Variants in CLDN14 observed in about 807,000 individuals in gnomAD.
CLDN14 encodes the protein claudin-14.
In CLDN14, 2 loss-of-function variants were observed where a neutral mutation model predicts 2.1. The observed-to-expected ratio is 0.96, with a 90% confidence interval of 0.39 to 3.01. The LOEUF is 3.01. CLDN14 is among the 30% of genes most tolerant of loss of function. CLDN14 has a pLI of 0.09. For missense variants in CLDN14, 298 were observed against 328.0 expected, an observed-to-expected ratio of 0.91 and a Z score of 0.71; for synonymous variants, 136 against 154.4, an observed-to-expected ratio of 0.88 and a Z score of 0.88.
rs980750427 is a variant in CLDN14 at position 36,462,725 on chromosome 21, T to C, written c.-81-949A>G. On this transcript the variant is annotated intron_variant, in intron 1 of 1. Coordinates refer to ENST00000399135, the MANE Select transcript of CLDN14 (RefSeq NM_001146079.2). ...CAGGTGGATCACCTGAGTTCAGGAG[T>C]TCAAGACCAGCCTGGCCAACATGGT... is the stretch of plus-strand genomic sequence containing the variant. Among the ~76,000 whole-genome samples the C allele has an allele frequency of 4.7e-5, 7 of 147,944 alleles. No homozygotes were observed. In the South Asian group the frequency reaches 1.1e-3, roughly 23 times the overall value.
At chr21:36,522,762 T>A (rs189532853) in intron 1 of CLDN14, among the ~76,000 whole-genome samples, 1 of 152,234 alleles carries the variant, frequency 6.6e-6, no homozygotes, top group Admixed American at 6.5e-5. Context: ...GAAGGTAAGT[T>A]TGAGAGGAGT....
chr21:36,559,488 A>T (rs1195363539), intron 1 of CLDN14, among the ~76,000 whole-genome samples: 1 of 152,158 alleles, frequency 6.6e-6, no homozygotes, highest in Non-Finnish European at 1.5e-5. Flanking sequence ...TGAGCCACCC[A>T]GGCTGGCTGA....
intron 2 of CLDN14, among the ~76,000 whole-genome samples, chr21:36,485,701 A>G (rs1056601910): frequency 3.3e-5 from 5 of 152,218 alleles, no homozygotes; most frequent in Non-Finnish European, 7.3e-5. Flanking sequence ...ACACCCTGTC[A>G]TCCTCAGACA....
chr21:36,536,999 T>A (rs926785462), intron 1 of CLDN14, among the ~76,000 whole-genome samples: 5 of 152,216 alleles, frequency 3.3e-5, no homozygotes, highest in African/African-American at 1.2e-4. Flanking sequence ...AAGACCACCC[T>A]GACCAACATG....
chr21:36,482,419 T>C (rs865857106), upstream of CLDN14, among the ~76,000 whole-genome samples: 5 of 147,400 alleles, frequency 3.4e-5, no homozygotes, highest in Admixed American at 2.7e-4. Flanking sequence ...GACGGATGGA[T>C]GGATGGATGG....
chr21:36,480,484 G>C (rs777155075), upstream of CLDN14: 1 of 152,218 alleles, frequency 6.6e-6, no homozygotes, highest in East Asian at 1.9e-4. Context: ...GAGGGAACTG[G>C]TCAGGGCTGG....
chr21:36,510,159 C>T (rs2087172586), intron 2 of CLDN14, among the ~76,000 whole-genome samples: 1 of 152,188 alleles, frequency 6.6e-6, no homozygotes, highest in Non-Finnish European at 1.5e-5. Context: ...CTGAGCTGAT[C>T]CAAGACATTC....
At chr21:36,508,076 G>T (rs1253972221) in intron 2 of CLDN14, among the ~76,000 whole-genome samples, 2 of 152,202 alleles carry the variant, frequency 1.3e-5, no homozygotes, top group Non-Finnish European at 2.9e-5. Context: ...TGTCTTTGGA[G>T]TCCTTAGCAC....
At chr21:36,541,063 A>G (rs567378735) in intron 1 of CLDN14, among the ~76,000 whole-genome samples, 1 of 152,180 alleles carries the variant, frequency 6.6e-6, no homozygotes, top group Non-Finnish European at 1.5e-5. Flanking sequence ...TTGAGAAAAG[A>G]GGAGAAACCA....
intron 1 of CLDN14, among the ~76,000 whole-genome samples, chr21:36,541,094 G>T (rs2087484904): frequency 6.6e-6 from 1 of 152,148 alleles, no homozygotes; most frequent in Non-Finnish European, 1.5e-5. Flanking sequence ...CCAGGTTTCT[G>T]GTTTAAGCCA....
At chr21:36,490,654 G>A (rs1022880683) in intron 2 of CLDN14, among the ~76,000 whole-genome samples, 32 of 151,958 alleles carry the variant, frequency 2.1e-4, no homozygotes, top group African/African-American at 7.2e-4. Flanking sequence ...CTCCCAAAGT[G>A]CTGGGATTAC....
At chr21:36,466,857 T>C (rs1459867270) in intron 1 of CLDN14, among the ~76,000 whole-genome samples, 10 of 152,164 alleles carry the variant, frequency 6.6e-5, no homozygotes, top group East Asian at 1.9e-4. Context: ...ACTTCCTAGA[T>C]AGAATGGGGG....
chr21:36,531,314 T>C (rs986858717), intron 1 of CLDN14, among the ~76,000 whole-genome samples: 8 of 151,252 alleles, frequency 5.3e-5, no homozygotes, highest in Admixed American at 3.9e-4. Context: ...TGAGACAGTC[T>C]CACTCTGTCA....
chr21:36,561,347 C>T (rs539237225), intron 1 of CLDN14, among the ~76,000 whole-genome samples: 1 of 152,332 alleles, frequency 6.6e-6, no homozygotes, highest in East Asian at 1.9e-4. Context: ...CTGATGGAAC[C>T]AAGGGAAATT....
At chr21:36,488,254 C>CTTCCTTCCTTCCTTCCTTCCTTCT (rs2086919818) in intron 2 of CLDN14, among the ~76,000 whole-genome samples, 2 of 149,160 alleles carry the variant, frequency 1.3e-5, no homozygotes, top group East Asian at 3.9e-4. Flanking sequence ...TCCTTCCTTC[C>CTTCCTTCCTTCCTTCCTTCCTTCT]TTCCTTCCTT....
chr21:36,473,054 G>A (rs2086730714), intron 1 of CLDN14, among the ~76,000 whole-genome samples: 1 of 151,470 alleles, frequency 6.6e-6, no homozygotes, highest in African/African-American at 2.5e-5. Context: ...TCTATAGCAG[G>A]CTGCCTTCCA....
At chr21:36,486,567 A>G (rs763251227) in intron 2 of CLDN14, 5 of 1,555,008 alleles carry the variant, frequency 3.2e-6, no homozygotes, top group Non-Finnish European at 2.7e-6. Flanking sequence ...GCATCAGCCA[A>G]GCTGGGCCCA....
Position 36,511,314 on chromosome 21 carries a change from A to G in CLDN14, c.-219-814T>C, listed in dbSNP as rs528003156. ...CCCTGTTTGGAAGCACAACGTTGCC[A>G]TCTCAATGGGTTGTCCTTCTGAACC... On this transcript the variant is annotated intron_variant, in intron 1 of 2. Transcript: ENST00000342108. Among the ~76,000 whole-genome samples, 7 of 152,324 alleles carry G rather than the reference A, an allele frequency of 4.6e-5. No individual in the cohort carries two copies. In the South Asian group the frequency reaches 6.2e-4, roughly 14 times the overall value.
At chr21:36,572,563 G>T (rs2087717167) in intron 1 of CLDN14, among the ~76,000 whole-genome samples, 1 of 152,156 alleles carries the variant, frequency 6.6e-6, no homozygotes, top group African/African-American at 2.4e-5. Flanking sequence ...GGTAATAAAT[G>T]GAAGTTGGCA....
Sources: gnomAD v4.1 joint callset for allele counts (sites outside exome capture counted in the v4.1 genomes callset) on GRCh38, gnomAD v4.1.1 for gene constraint, MANE v1.5 for transcripts, NCBI Gene and HGNC (gene_info 2026-07-23, HGNC 2026-07-21) for gene names.